Variants in SH3BP5 observed in about 807,000 individuals in gnomAD.
The protein encoded by SH3BP5 is SH3 domain-binding protein 5.
A neutral mutation model predicts 43.3 loss-of-function variants in SH3BP5; 22 were observed. That is an observed-to-expected ratio of 0.51 (90% CI 0.36 to 0.73). SH3BP5 has a LOEUF of 0.73. Among genes scored for constraint, SH3BP5 ranks in the 30% least tolerant of loss-of-function variants. SH3BP5 has a pLI of 0.00. For synonymous variants in SH3BP5, 255 were observed against 225.8 expected (o/e 1.13, Z -1.16); for missense variants, 529 against 586.9 (o/e 0.90, Z 1.02).
chr3:15,255,561 A>C lies in SH3BP5; in HGVS notation c.*525T>G, dbSNP rs543741360. ...CTGAACACCAGAGGTGGTGAAAATG[A>C]ATTGTGTTCTTGGATTTTTTTTTTT... On this transcript the variant is annotated 3_prime_UTR_variant, in exon 9 of 9. Coordinates refer to ENST00000383791, the MANE Select transcript of SH3BP5 (RefSeq NM_004844.5). 6.5e-6 allele frequency: 1 copy of C among 152,738 alleles called. No individual in the cohort carries two copies. The highest frequency in any genetic ancestry group is 2.4e-5 in the African/African-American group (1 of 41,500). 9.5% of individuals were successfully genotyped at this position (152,738 alleles called of 1,614,324 possible).
chr3:15,327,401 G>A (rs1467870861), intron 2 of SH3BP5, among the ~76,000 whole-genome samples: 2 of 151,578 alleles, frequency 1.3e-5, no homozygotes, highest in Non-Finnish European at 2.9e-5. Flanking sequence ...CTCCGTCTCA[G>A]GAAAAAAAAA....
chr3:15,332,242 C>G, intron 1 of SH3BP5, 29 bp downstream of exon 1: 1 of 1,551,026 alleles, frequency 6.4e-7, no homozygotes, highest in Non-Finnish European at 8.7e-7. Flanking sequence ...TCGCGAAGCC[C>G]GGATGCGGGG....
chr3:15,333,016 T>TG (rs1380514626), upstream of SH3BP5: 21 of 848,010 alleles, frequency 2.5e-5, no homozygotes, highest in Non-Finnish European at 3.0e-5. Context: ...TTCCGTGCAC[T>TG]GATGCATTGC....
At chr3:15,258,311 C>CAGTA (rs1339292318) in intron 7 of SH3BP5, 1 of 152,416 alleles carries the variant, frequency 6.6e-6, no homozygotes, top group African/African-American at 2.4e-5. Flanking sequence ...TCTCTATGGT[C>CAGTA]AGATGTCAGT....
upstream of SH3BP5, chr3:15,333,062 GA>G (rs1698656572): frequency 1.0e-6 from 1 of 984,672 alleles, no homozygotes; most frequent in South Asian, 4.7e-5. Flanking sequence ...GCCCCATACC[GA>G]AACACAGAGG....
At chr3:15,340,625 C>T (rs1698754136) in intron 1 of SH3BP5, among the ~76,000 whole-genome samples, 1 of 152,004 alleles carries the variant, frequency 6.6e-6, no homozygotes, top group African/African-American at 2.4e-5. Context: ...GTGGCAGGCA[C>T]CTGTAATCCC....
chr3:15,331,206 T>C (rs1171381102), intron 1 of SH3BP5, among the ~76,000 whole-genome samples: 4 of 152,198 alleles, frequency 2.6e-5, no homozygotes, highest in East Asian at 3.8e-4. Flanking sequence ...CATAATCCCA[T>C]ACCAGTAACA....
intron 3 of SH3BP5, among the ~76,000 whole-genome samples, chr3:15,280,639 C>A (rs917594983): frequency 3.3e-5 from 5 of 152,188 alleles, no homozygotes; most frequent in African/African-American, 1.2e-4. Flanking sequence ...ATCACACTCT[C>A]GCACTCTCTC....
upstream of SH3BP5, chr3:15,332,753 C>G: frequency 1.3e-6 from 1 of 765,272 alleles, no homozygotes. Flanking sequence ...AGGACAGCCC[C>G]CACCCCCTTG....
chr3:15,259,920 AG>A (rs1261067997), intron 5 of SH3BP5, 117 bp from the exon 6 acceptor site: 2 of 900,002 alleles, frequency 2.2e-6, no homozygotes, highest in Non-Finnish European at 3.7e-6. Context: ...TCCAATATTT[AG>A]TAAACTCTTA....
At chr3:15,300,616 C>T (rs1364291448) in intron 3 of SH3BP5, among the ~76,000 whole-genome samples, 1 of 152,130 alleles carries the variant, frequency 6.6e-6, no homozygotes, top group Non-Finnish European at 1.5e-5. Context: ...CACAAACAAG[C>T]TCATCCATCT....
upstream of SH3BP5, chr3:15,333,383 C>T: frequency 2.0e-6 from 1 of 488,132 alleles, no homozygotes; most frequent in South Asian, 8.8e-5. Flanking sequence ...GTCTCCTTGC[C>T]TTGAGAAATG....
intron 2 of SH3BP5, among the ~76,000 whole-genome samples, chr3:15,310,629 C>T (rs1040171726): frequency 1.3e-5 from 2 of 152,124 alleles, no homozygotes; most frequent in African/African-American, 2.4e-5. Context: ...AGATCTTCCA[C>T]CAGTCAAGAA....
rs1277568923 is a variant in SH3BP5 at position 15,255,988 on chromosome 3, C to T, written c.*98G>A. ...CTTCATTAGAGCAGTTTAGAGTAGA[C>T]GTGTAAGATTTGGCATATATTAAAT... On this transcript the variant is annotated 3_prime_UTR_variant, in exon 9 of 9. Coordinates refer to ENST00000383791, the MANE Select transcript of SH3BP5 (RefSeq NM_004844.5). The T allele has an allele frequency of 2.2e-5, 21 of 969,944 alleles. No homozygotes were observed. The highest frequency in any genetic ancestry group is 4.8e-5 in the East Asian group (2 of 41,646). 60.1% of individuals were successfully genotyped at this position (969,944 alleles called of 1,614,324 possible).
chr3:15,320,181 C>T (rs1559457357), intron 2 of SH3BP5, among the ~76,000 whole-genome samples: 2 of 151,992 alleles, frequency 1.3e-5, no homozygotes, highest in Admixed American at 6.6e-5. Context: ...GGGTTTAATG[C>T]CAAACAATAA....
At chr3:15,261,030 G>A (rs577876909) in intron 5 of SH3BP5, among the ~76,000 whole-genome samples, 33 of 152,260 alleles carry the variant, frequency 2.2e-4, no homozygotes, top group African/African-American at 6.3e-4. Context: ...GCTGCTCCTC[G>A]GCCTCCTTGG....
chr3:15,335,666 G>T (rs1698693198), upstream of SH3BP5, among the ~76,000 whole-genome samples: 1 of 152,254 alleles, frequency 6.6e-6, no homozygotes, highest in South Asian at 2.1e-4. Flanking sequence ...TTCTACAGGG[G>T]ACATAAGCAT....
chr3:15,296,341 T>TATAC lies in SH3BP5; in HGVS notation c.330+7761_330+7762insGTAT, dbSNP rs1553616951. 7.8e-4 allele frequency among the ~76,000 whole-genome samples: 114 copies of TATAC among 146,262 alleles called. 1 individual carries two copies. Among genetic ancestry groups the TATAC allele is most frequent in the African/African-American group, 2.7e-3 (105 of 39,594 alleles). ...CCATACCTCAAATGGGGAAATCATA[T>TATAC]ACACACACACACACACACACACACA... On this transcript the variant is annotated intron_variant, in intron 3 of 8. Coordinates refer to ENST00000383791, the MANE Select transcript of SH3BP5 (RefSeq NM_004844.5).
In SH3BP5 at chr3:15,257,120, TGA is replaced by T. The variant is rs1446504256; in HGVS notation, c.890-9_890-8del. 6.2e-7 allele frequency: 1 copy of T among 1,612,224 alleles called. No individual in the cohort carries two copies. The highest frequency in any genetic ancestry group is 8.5e-7 in the Non-Finnish European group (1 of 1,178,588). ...TCAAAGGCCTCCGAGGCCACTAAGT[TGA>T]GAGAGAACACCAGTCACATGGGTTC... On this transcript the variant is annotated splice_region_variant and splice_polypyrimidine_tract_variant and intron_variant, in intron 7 of 8. Coordinates refer to ENST00000383791, the MANE Select transcript of SH3BP5 (RefSeq NM_004844.5).
Sources: gnomAD v4.1 joint callset for allele counts (sites outside exome capture counted in the v4.1 genomes callset) on GRCh38, gnomAD v4.1.1 for gene constraint, MANE v1.5 for transcripts, NCBI Gene and HGNC (gene_info 2026-07-23, HGNC 2026-07-21) for gene names.